Variants in CCDC178 observed in about 807,000 individuals in gnomAD.
CCDC178 encodes the protein coiled-coil domain-containing protein 178.
In CCDC178, 126 loss-of-function variants were observed where a neutral mutation model predicts 117.4. That is an observed-to-expected ratio of 1.07 (90% CI 0.93 to 1.24). The LOEUF (loss-of-function observed/expected upper bound fraction) is 1.24, where lower values mean the gene tolerates loss of function less well. CCDC178 is among the 50% of genes most tolerant of loss of function. The pLI is 0.00. For synonymous variants in CCDC178, 283 were observed against 313.4 expected, an observed-to-expected ratio of 0.90 and a Z score of 1.02; for missense variants, 1,030 against 986.9, an observed-to-expected ratio of 1.04 and a Z score of -0.59.
intron 20 of CCDC178, among the ~76,000 whole-genome samples, chr18:33,101,877 T>C (rs1025255220): frequency 6.6e-6 from 1 of 151,984 alleles, no homozygotes; most frequent in African/African-American, 2.4e-5. Context: ...TCAGATAACC[T>C]GATGCCACTT....
chr18:33,075,274 T>G (rs1441050864), intron 21 of CCDC178, among the ~76,000 whole-genome samples: 1 of 152,214 alleles, frequency 6.6e-6, no homozygotes, highest in African/African-American at 2.4e-5. Context: ...TGAAGACTTG[T>G]ATCTCCATTT....
At chr18:33,249,742 G>A (rs1033152570) in intron 14 of CCDC178, among the ~76,000 whole-genome samples, 5 of 152,054 alleles carry the variant, frequency 3.3e-5, no homozygotes, top group African/African-American at 1.2e-4. Flanking sequence ...GATTGACTTG[G>A]CAATGTGGGC....
chr18:33,025,808 G>GT (rs1188125445), intron 21 of CCDC178, among the ~76,000 whole-genome samples: 2 of 152,114 alleles, frequency 1.3e-5, no homozygotes, highest in Non-Finnish European at 2.9e-5. Flanking sequence ...CTGAGAAACA[G>GT]TTTGTCAGTT....
In CCDC178 at chr18:33,333,294, TTCTAAC is replaced by T; in HGVS notation, c.753_758del (p.Leu252_Glu253del). ...CTGCTTGAATCTTTGCATTTGCTTC[TTCTAAC>T]TCTGTCTTTTGTTTTTCAAAATGTT... On this transcript the variant is annotated inframe_deletion, in exon 10 of 23. Coordinates refer to ENST00000383096, the MANE Select transcript of CCDC178 (RefSeq NM_001105528.4). 1.2e-6 allele frequency: 2 copies of T among 1,612,696 alleles called. No homozygotes were observed. The highest frequency in any genetic ancestry group is 1.7e-6 in the Non-Finnish European group (2 of 1,178,932).
intron 21 of CCDC178, among the ~76,000 whole-genome samples, chr18:33,035,491 T>C (rs1447986086): frequency 1.3e-5 from 2 of 152,036 alleles, no homozygotes; most frequent in African/African-American, 4.8e-5. Context: ...GAAAACATTA[T>C]GCTAAGTGAA....
chr18:33,024,088 T>C (rs903681880), intron 21 of CCDC178, among the ~76,000 whole-genome samples: 14 of 152,220 alleles, frequency 9.2e-5, no homozygotes, highest in Admixed American at 9.2e-4. Flanking sequence ...TTAGGAAGAT[T>C]GAATCCATAA....
intron 3 of CCDC178, among the ~76,000 whole-genome samples, chr18:33,407,804 C>T (rs1346502953): frequency 6.6e-6 from 1 of 151,594 alleles, no homozygotes; most frequent in East Asian, 1.9e-4. Flanking sequence ...ATAATTATAT[C>T]CCTCCAAATT....
At chr18:32,949,708 A>G (rs2054437342) in intron 22 of CCDC178, among the ~76,000 whole-genome samples, 1 of 151,876 alleles carries the variant, frequency 6.6e-6, no homozygotes. Flanking sequence ...GTTTTAATTG[A>G]TTGGTTTTTC....
chr18:33,296,665 A>G (rs1465248918), intron 11 of CCDC178, among the ~76,000 whole-genome samples: 1 of 152,198 alleles, frequency 6.6e-6, no homozygotes, highest in African/African-American at 2.4e-5. Flanking sequence ...AAAATCCCAC[A>G]TACTCAAATA....
At chr18:33,407,725 T>A (rs1381425943) in intron 3 of CCDC178, among the ~76,000 whole-genome samples, 1 of 152,020 alleles carries the variant, frequency 6.6e-6, no homozygotes, top group Non-Finnish European at 1.5e-5. Context: ...TATAACTTGC[T>A]AATCAATAGT....
chr18:33,329,432 A>C (rs757269283), intron 10 of CCDC178, among the ~76,000 whole-genome samples: 9 of 152,184 alleles, frequency 5.9e-5, no homozygotes, highest in Non-Finnish European at 1.2e-4. Context: ...GGGTTTTACA[A>C]AAATGTCCTT....
intron 14 of CCDC178, among the ~76,000 whole-genome samples, chr18:33,266,081 C>T (rs1439724088): frequency 6.6e-6 from 1 of 152,114 alleles, no homozygotes; most frequent in African/African-American, 2.4e-5. Flanking sequence ...ATAAGACATA[C>T]ATAAGATCCT....
intron 4 of CCDC178, among the ~76,000 whole-genome samples, chr18:33,393,855 T>C (rs952242790): frequency 9.2e-5 from 14 of 152,088 alleles, no homozygotes; most frequent in Non-Finnish European, 1.3e-4. Context: ...TGAGTGTGTA[T>C]ATAAGTGTGT....
At chr18:33,174,834 C>A (rs1042110038) in intron 20 of CCDC178, among the ~76,000 whole-genome samples, 3 of 151,532 alleles carry the variant, frequency 2.0e-5, no homozygotes, top group Non-Finnish European at 4.4e-5. Context: ...TTTCATTAAC[C>A]AACAATTCCT....
At chr18:33,102,244 G>C (rs1411800338) in intron 20 of CCDC178, among the ~76,000 whole-genome samples, 1 of 151,732 alleles carries the variant, frequency 6.6e-6, no homozygotes, top group Non-Finnish European at 1.5e-5. Flanking sequence ...ATTAAGGCTA[G>C]GGTCCCCCCT....
intron 20 of CCDC178, among the ~76,000 whole-genome samples, chr18:33,175,963 AT>A (rs549890222): frequency 4.0e-5 from 6 of 151,260 alleles, no homozygotes; most frequent in African/African-American, 9.7e-5. Context: ...ATTCCTACTG[AT>A]TTTTTTTTCT....
At chr18:33,250,903 C>T (rs868113321) in intron 14 of CCDC178, among the ~76,000 whole-genome samples, 1 of 150,958 alleles carries the variant, frequency 6.6e-6, no homozygotes, top group Admixed American at 6.6e-5. Context: ...TCTGAAGTTC[C>T]CAGAGAGAAA....
At chr18:33,330,351 A>G (rs891719968) in intron 10 of CCDC178, among the ~76,000 whole-genome samples, 1 of 152,050 alleles carries the variant, frequency 6.6e-6, no homozygotes, top group African/African-American at 2.4e-5. Context: ...TTGGGGAATT[A>G]CTTTCCCTTG....
chr18:32,999,939 T>G (rs1204574470), intron 21 of CCDC178, among the ~76,000 whole-genome samples: 1 of 151,996 alleles, frequency 6.6e-6, no homozygotes, highest in Non-Finnish European at 1.5e-5. Flanking sequence ...CTGCAATGTC[T>G]AGGTACCAAA....
Sources: allele counts gnomAD v4.1 joint callset (sites outside exome capture counted in the v4.1 genomes callset), GRCh38; gene constraint gnomAD v4.1.1; transcripts MANE v1.5; gene names NCBI Gene and HGNC (gene_info 2026-07-23, HGNC 2026-07-21).